NDUFC2: variants seen among roughly 807,000 people sequenced by gnomAD.
The protein encoded by NDUFC2 is NADH:ubiquinone oxidoreductase subunit C2.
NDUFC2 carries 2 observed loss-of-function variants against 10.1 expected under a neutral mutation model. The ratio of observed to expected loss-of-function variants is 0.20; its 90% confidence interval spans 0.08 to 0.62. The LOEUF (loss-of-function observed/expected upper bound fraction) is 0.62. NDUFC2 is among the 20% of genes least tolerant of loss of function. The pLI is 0.87. For synonymous variants in NDUFC2, 61 were observed against 63.6 expected (o/e 0.96, Z 0.20); for missense variants, 156 against 159.6 (o/e 0.98, Z 0.12).
chr11:78,076,469 A>G lies in NDUFC2; in HGVS notation c.166+3110T>C, dbSNP rs7928678. On this transcript the variant is annotated intron_variant, in intron 1 of 2. Transcript: ENST00000281031. Reference sequence around the variant, plus strand: ...ACTCAATACTTACTGAACACCTACTATAGATATTAGACACTGAGCTAGATA... The same window carrying G: ...ACTCAATACTTACTGAACACCTACTGTAGATATTAGACACTGAGCTAGATA... Among the ~76,000 whole-genome samples, 1,454 of 152,326 alleles carry G rather than the reference A, an allele frequency of 9.5e-3. 23 individuals carry two copies. Among genetic ancestry groups the G allele is most frequent in the African/African-American group, 0.032 (1,335 of 41,578 alleles).
chr11:78,074,203 T>A (rs1041325174), intron 1 of NDUFC2, among the ~76,000 whole-genome samples: 4 of 152,060 alleles, frequency 2.6e-5, no homozygotes, highest in African/African-American at 9.7e-5. Flanking sequence ...CTTTAAAGGT[T>A]AACAAATCTA....
chr11:78,073,353 G>T (rs1057483454), intron 1 of NDUFC2, among the ~76,000 whole-genome samples: 1 of 152,036 alleles, frequency 6.6e-6, no homozygotes, highest in African/African-American at 2.4e-5. Flanking sequence ...TTGGCTGGGG[G>T]TGGTGGCGGG....
rs1858910940 is a variant in NDUFC2 at position 78,069,752 on chromosome 11, C to T, written c.*235G>A. On this transcript the variant is annotated 3_prime_UTR_variant, in exon 3 of 3. Coordinates refer to ENST00000281031, the MANE Select transcript of NDUFC2 (RefSeq NM_004549.6). ...ATTTGGGTAGTCTGCTAACTCTAAACTAGAATTCAACCTCATCTTAAAATC... is the reference window on the plus strand; with the variant it reads ...ATTTGGGTAGTCTGCTAACTCTAAATTAGAATTCAACCTCATCTTAAAATC... 1 of 948,108 alleles carries T rather than the reference C, an allele frequency of 1.1e-6. No homozygotes were observed. Among genetic ancestry groups the T allele is most frequent in the African/African-American group, 1.7e-5 (1 of 60,318 alleles). The allele number at this position is 948,108 out of a possible 1,614,324, so 58.7% of individuals were successfully genotyped here. A position where few individuals can be genotyped will look rare whatever the true frequency, so the allele number is the denominator to read the frequency against.
intron 1 of NDUFC2, among the ~76,000 whole-genome samples, chr11:78,078,599 T>A (rs1859350582): frequency 1.3e-5 from 2 of 152,246 alleles, no homozygotes; most frequent in Admixed American, 6.5e-5. Flanking sequence ...AGTGACATAC[T>A]ACTGGGAAGT....
At chr11:78,073,591 G>A (rs1320425270) in intron 1 of NDUFC2, among the ~76,000 whole-genome samples, 1 of 151,956 alleles carries the variant, frequency 6.6e-6, no homozygotes, top group African/African-American at 2.4e-5. Context: ...TGGATCACCT[G>A]AGGTCAGGAG....
At chr11:78,073,352 G>C (rs1032591237) in intron 1 of NDUFC2, among the ~76,000 whole-genome samples, 20 of 151,708 alleles carry the variant, frequency 1.3e-4, no homozygotes, top group Non-Finnish European at 5.9e-5. Flanking sequence ...TTTGGCTGGG[G>C]GTGGTGGCGG....
chr11:78,070,541 C>T (rs963154569), intron 2 of NDUFC2, among the ~76,000 whole-genome samples: 5 of 152,166 alleles, frequency 3.3e-5, no homozygotes, highest in East Asian at 1.9e-4. Flanking sequence ...GCCAAACGGA[C>T]TAAGACAAAC....
At chr11:78,078,242 G>A (rs974659819) in intron 1 of NDUFC2, among the ~76,000 whole-genome samples, 3 of 152,128 alleles carry the variant, frequency 2.0e-5, no homozygotes, top group African/African-American at 7.2e-5. Context: ...AAAATACAGA[G>A]CTCATCACTG....
rs900689544 is a variant in NDUFC2 at position 78,069,372 on chromosome 11, G to A, written c.*615C>T. 6.5e-6 allele frequency: 1 copy of A among 153,106 alleles called. No individual in the cohort carries two copies. The highest frequency in any genetic ancestry group is 1.5e-5 in the Non-Finnish European group (1 of 68,766). 9.5% of individuals were successfully genotyped at this position (153,106 alleles called of 1,614,324 possible). A position where few individuals can be genotyped will look rare whatever the true frequency, so the allele number is the denominator to read the frequency against. Reference sequence around the variant, plus strand: ...AAGATTTCTGTTTTCCTTGTCTGGAGTCTCCTCCTTCGAAACCACCTTCTA... The same window carrying A: ...AAGATTTCTGTTTTCCTTGTCTGGAATCTCCTCCTTCGAAACCACCTTCTA... On this transcript the variant is annotated 3_prime_UTR_variant, in exon 3 of 3. Coordinates refer to ENST00000281031, the MANE Select transcript of NDUFC2 (RefSeq NM_004549.6).
chr11:78,068,340 C>T lies in NDUFC2; in HGVS notation c.*1647G>A, dbSNP rs930446292. 4 of 152,066 alleles carry T rather than the reference C, an allele frequency of 2.6e-5. No homozygotes were observed. Among genetic ancestry groups the T allele is most frequent in the Non-Finnish European group, 5.9e-5 (4 of 68,012 alleles). The allele number at this position is 152,066 out of a possible 1,614,324, so 9.4% of individuals were successfully genotyped here. ...TTTATTGCAGAACTAATAAAAAATC[C>T]AAAGCCTTGTATTTGTACATCTTTA... On this transcript the variant is annotated 3_prime_UTR_variant, in exon 3 of 3. Transcript: ENST00000281031.
rs896371233 is a variant in NDUFC2 at position 78,073,015 on chromosome 11, T to C, written c.293A>G (p.Glu98Gly). 1.2e-6 allele frequency: 2 copies of C among 1,612,568 alleles called. No individual in the cohort carries two copies. Among genetic ancestry groups the C allele is most frequent in the Non-Finnish European group, 8.5e-7 (1 of 1,179,748 alleles). Residue 98 changes from glutamate (E) to glycine (G), a missense_variant, in exon 2 of 3, where the codon GAG becomes GGG. By Grantham distance (98) the Glu-to-Gly change is moderately conservative. Coordinates refer to ENST00000281031, the MANE Select transcript of NDUFC2 (RefSeq NM_004549.6). Reference sequence around the variant, plus strand: ...TGAAATACCTTCTTCAGGAAAATCCTCTGGATGTAATTTCATATATCCAAA... The same window carrying C: ...TGAAATACCTTCTTCAGGAAAATCCCCTGGATGTAATTTCATATATCCAAA... ...EMFGYMKLHP[E>G]DFPEEDKKTY...
intron 2 of NDUFC2, 198 bp downstream of exon 2, chr11:78,072,800 T>G: frequency 1.4e-6 from 1 of 713,196 alleles, no homozygotes; most frequent in Non-Finnish European, 2.3e-6. Context: ...AGAGGGGATA[T>G]GAGTTTTGTT....
At chr11:78,075,178 T>A (rs1383504253) in intron 1 of NDUFC2, among the ~76,000 whole-genome samples, 1 of 152,220 alleles carries the variant, frequency 6.6e-6, no homozygotes, top group African/African-American at 2.4e-5. Context: ...ATACTTAGCA[T>A]ACCAACTAAC....
intron 2 of NDUFC2, among the ~76,000 whole-genome samples, chr11:78,072,559 T>G (rs1004280273): frequency 6.6e-6 from 1 of 152,190 alleles, no homozygotes; most frequent in African/African-American, 2.4e-5. Context: ...AAGAGGCAAG[T>G]GCAACAGTCC....
intron 1 of NDUFC2, among the ~76,000 whole-genome samples, chr11:78,073,922 C>T (rs1320160138): frequency 2.0e-5 from 3 of 150,602 alleles, no homozygotes; most frequent in African/African-American, 2.4e-5. Flanking sequence ...CCCAGGCTGG[C>T]GTGCAGTGGC....
intron 2 of NDUFC2, among the ~76,000 whole-genome samples, chr11:78,070,444 T>C (rs1233694809): frequency 6.6e-6 from 1 of 152,176 alleles, no homozygotes; most frequent in African/African-American, 2.4e-5. Context: ...TATTACCCAG[T>C]CTATTCTGCA....
At chr11:78,073,480 C>T (rs376643450) in intron 1 of NDUFC2, among the ~76,000 whole-genome samples, 1 of 144,438 alleles carries the variant, frequency 6.9e-6, no homozygotes, top group Non-Finnish European at 1.5e-5. Flanking sequence ...TGACAAAGCG[C>T]CTGGCCTGTT....
intron 1 of NDUFC2, among the ~76,000 whole-genome samples, chr11:78,074,743 G>C (rs1327363327): frequency 6.6e-6 from 1 of 152,064 alleles, no homozygotes; most frequent in Non-Finnish European, 1.5e-5. Flanking sequence ...CTATGTTCTA[G>C]AACTGGACAG....
chr11:78,079,473 A>G, intron 1 of NDUFC2, 106 bp downstream of exon 1: 13 of 1,430,180 alleles, frequency 9.1e-6, no homozygotes, highest in Non-Finnish European at 1.2e-5. Context: ...CAGCTAGGCA[A>G]AAAGGCACGG....
Sources: allele counts gnomAD v4.1 joint callset (sites outside exome capture counted in the v4.1 genomes callset), GRCh38; gene constraint gnomAD v4.1.1; transcripts MANE v1.5; gene names NCBI Gene and HGNC (gene_info 2026-07-23, HGNC 2026-07-21).